Variants in LRRC49 observed in about 807,000 individuals in gnomAD.
The protein encoded by LRRC49 is leucine-rich repeat-containing protein 49.
LRRC49 carries 50 observed loss-of-function variants against 83.3 expected under a neutral mutation model. The ratio of observed to expected loss-of-function variants is 0.60; its 90% confidence interval spans 0.48 to 0.76. The LOEUF (loss-of-function observed/expected upper bound fraction) is 0.76. Among genes scored for constraint, LRRC49 ranks in the 30% least tolerant of loss-of-function variants. The pLI is 0.00. For missense variants in LRRC49, 704 were observed against 809.1 expected, an observed-to-expected ratio of 0.87 and a Z score of 1.58; for synonymous variants, 286 against 283.3, an observed-to-expected ratio of 1.01 and a Z score of -0.10.
Position 71,037,260 on chromosome 15 carries a change from A to T in LRRC49, c.1785A>T (p.Arg595Ser). The T allele has an allele frequency of 3.1e-6, 5 of 1,609,538 alleles. No individual in the cohort carries two copies. The highest frequency in any genetic ancestry group is 1.1e-5 in the South Asian group (1 of 90,802). Residue 595 changes from arginine to serine, a missense_variant, in exon 15 of 16, where the codon AGA (arginine) becomes AGT (serine). By Grantham distance (110) the Arg-to-Ser change is moderately radical. This residue lies in a region of LRRC49 where 275 missense variants were observed against 338.0 expected (regional missense o/e 0.81). Coordinates refer to ENST00000260382, the MANE Select transcript of LRRC49 (RefSeq NM_017691.5). The part of the protein sequence containing the change: ...IINEENNDSK[R>S]LVGENTNRAT... ...ACGAAGAAAATAATGACAGCAAAAG[A>T]CTTGTAGGAGAAAACACAAATCGTG...
At chr15:70,946,890 T>C (rs1290689924) in intron 8 of LRRC49, among the ~76,000 whole-genome samples, 1 of 152,198 alleles carries the variant, frequency 6.6e-6, no homozygotes, top group Non-Finnish European at 1.5e-5. Context: ...GGGAAATGTC[T>C]ATTGTAGTCC....
At position 70,916,580 on chromosome 15, in the gene LRRC49, C is replaced by T. The variant is rs552574097; in HGVS notation, c.568-2470C>T. Among the ~76,000 whole-genome samples the T allele has an allele frequency of 5.3e-5, 8 of 152,326 alleles. No individual in the cohort carries two copies. In the South Asian group the frequency reaches 1.7e-3, roughly 32 times the overall value. On this transcript the variant is annotated intron_variant, in intron 6 of 15. Transcript: ENST00000260382. ...AAAGTACTGGGATTACAGGTGTGAGCTACCGCGCCTGGCCTCAGTGCTGAT... is the reference window on the plus strand; with the variant it reads ...AAAGTACTGGGATTACAGGTGTGAGTTACCGCGCCTGGCCTCAGTGCTGAT...
intron 8 of LRRC49, among the ~76,000 whole-genome samples, chr15:70,945,276 G>C (rs1288400402): frequency 6.6e-6 from 1 of 152,164 alleles, no homozygotes; most frequent in Non-Finnish European, 1.5e-5. Flanking sequence ...TTATATGTCT[G>C]TCTTCTCCCA....
Position 70,984,244 on chromosome 15 carries a change from C to G in LRRC49, c.1156C>G (p.Pro386Ala), listed in dbSNP as rs748634704. The change falls in exon 11 of 16, where the codon CCA (proline) becomes GCA (alanine). Residue 386 changes from proline to alanine, a missense_variant. By Grantham distance (27) the Pro-to-Ala change is conservative. Coordinates refer to ENST00000260382, the MANE Select transcript of LRRC49 (RefSeq NM_017691.5). ...TGATGGAAGCACCCTCTCTGCATTC[C>G]CAGAGGAAACAGGGTATGCAATGGT... ...QIDGSTLSAF[P>A]EETGPLDSGL... 6.2e-7 allele frequency: 1 copy of G among 1,610,922 alleles called. No individual in the cohort carries two copies. The highest frequency in any genetic ancestry group is 1.1e-5 in the South Asian group (1 of 90,398).
At chr15:70,998,449 A>G (rs1371568867) in intron 11 of LRRC49, among the ~76,000 whole-genome samples, 1 of 151,912 alleles carries the variant, frequency 6.6e-6, no homozygotes, top group Non-Finnish European at 1.5e-5. Context: ...TTTGCCATAT[A>G]TAATTTTGGG....
chr15:70,943,078 AT>A (rs902867793), intron 8 of LRRC49, among the ~76,000 whole-genome samples: 9 of 151,846 alleles, frequency 5.9e-5, no homozygotes, highest in Non-Finnish European at 1.3e-4. Context: ...TATTCTGGGC[AT>A]TGTGGATGTT....
intron 9 of LRRC49, among the ~76,000 whole-genome samples, chr15:70,966,795 T>C (rs2036810589): frequency 6.6e-6 from 1 of 152,114 alleles, no homozygotes; most frequent in Non-Finnish European, 1.5e-5. Flanking sequence ...GTTTCTGTAC[T>C]AGGATATATA....
At chr15:70,923,177 A>G (rs953312464) in intron 7 of LRRC49, among the ~76,000 whole-genome samples, 1 of 151,966 alleles carries the variant, frequency 6.6e-6, no homozygotes, top group Non-Finnish European at 1.5e-5. Context: ...ACACCTTAAC[A>G]TTTTGAAATG....
At chr15:71,038,167 C>T (rs1225069053) in intron 15 of LRRC49, among the ~76,000 whole-genome samples, 1 of 152,070 alleles carries the variant, frequency 6.6e-6, no homozygotes, top group Non-Finnish European at 1.5e-5. Context: ...ATCTATAGAT[C>T]CCCTCACACA....
intron 1 of LRRC49, among the ~76,000 whole-genome samples, chr15:70,867,156 A>G (rs571893671): frequency 8.0e-4 from 121 of 151,820 alleles, no homozygotes; most frequent in African/African-American, 2.8e-3. Context: ...AAGAAGGTCT[A>G]CTTGAGAACT....
intron 8 of LRRC49, among the ~76,000 whole-genome samples, chr15:70,959,044 GTATT>G (rs2036501425): frequency 6.6e-6 from 1 of 152,070 alleles, no homozygotes; most frequent in Non-Finnish European, 1.5e-5. Flanking sequence ...AATAAATAAA[GTATT>G]TATAGTACTA....
intron 3 of LRRC49, among the ~76,000 whole-genome samples, chr15:70,899,975 T>C (rs924971267): frequency 1.3e-5 from 2 of 152,180 alleles, no homozygotes; most frequent in Non-Finnish European, 2.9e-5. Flanking sequence ...CTTACCTCAT[T>C]TCTGGAACTT....
At chr15:70,858,858 C>A in intron 1 of LRRC49, 1 of 768,156 alleles carries the variant, frequency 1.3e-6, no homozygotes. Flanking sequence ...TCTGGGGTGG[C>A]CTGGGTGGAG....
At chr15:70,972,756 T>G (rs973723123) in intron 9 of LRRC49, among the ~76,000 whole-genome samples, 1 of 152,062 alleles carries the variant, frequency 6.6e-6, no homozygotes, top group Non-Finnish European at 1.5e-5. Context: ...TCTGATATCC[T>G]TTCCTCTGCT....
intron 5 of LRRC49, among the ~76,000 whole-genome samples, chr15:70,909,162 A>G (rs1185584359): frequency 6.6e-6 from 1 of 152,220 alleles, no homozygotes; most frequent in Admixed American, 6.5e-5. Flanking sequence ...GGGTGATACA[A>G]TCTCCATTAT....
rs556565611 is a variant in LRRC49 at position 71,049,935 on chromosome 15, T to C, written c.*323T>C. 100 of 203,322 alleles carry C rather than the reference T, an allele frequency of 4.9e-4. No individual in the cohort carries two copies. Among genetic ancestry groups the C allele is most frequent in the Non-Finnish European group, 7.1e-4 (73 of 102,642 alleles). The allele number at this position is 203,322 out of a possible 1,614,324, so 12.6% of individuals were successfully genotyped here. On this transcript the variant is annotated 3_prime_UTR_variant, in exon 16 of 16. Coordinates refer to ENST00000260382, the MANE Select transcript of LRRC49 (RefSeq NM_017691.5). Reference sequence around the variant, plus strand: ...GCCCAAAGCACGTAGTATTTGCTGATGATTCAGCATGAGCTGCATCTACCT... The same window carrying C: ...GCCCAAAGCACGTAGTATTTGCTGACGATTCAGCATGAGCTGCATCTACCT...
At chr15:70,873,610 T>C (rs1446723933) in intron 2 of LRRC49, among the ~76,000 whole-genome samples, 1 of 152,160 alleles carries the variant, frequency 6.6e-6, no homozygotes, top group Non-Finnish European at 1.5e-5. Context: ...TGATCTAGAA[T>C]GACTTCCTTC....
rs2039993748 is a variant in LRRC49 at position 71,051,466 on chromosome 15, T to G, written c.*1854T>G. On this transcript the variant is annotated 3_prime_UTR_variant, in exon 16 of 16. Coordinates refer to ENST00000260382, the MANE Select transcript of LRRC49 (RefSeq NM_017691.5). Reference sequence around the variant, plus strand: ...AGTAAACACTTATCTCTCCTGGGCTTATATCTTGTTTGGTATAGAAATGAG... The same window carrying G: ...AGTAAACACTTATCTCTCCTGGGCTGATATCTTGTTTGGTATAGAAATGAG... 1 of 152,228 alleles carries G rather than the reference T, an allele frequency of 6.6e-6. No individual in the cohort carries two copies. Among genetic ancestry groups the G allele is most frequent in the Admixed American group, 6.5e-5 (1 of 15,276 alleles). The allele number at this position is 152,228 out of a possible 1,614,324, so 9.4% of individuals were successfully genotyped here. A position where few individuals can be genotyped will look rare whatever the true frequency, so the allele number is the denominator to read the frequency against.
At chr15:70,891,999 C>T (rs371439870), upstream of LRRC49, 1 of 1,613,072 alleles carries the variant, frequency 6.2e-7, no homozygotes, top group South Asian at 1.1e-5. Context: ...GGGGCGGGCA[C>T]CCGGTGCAGG....
Sources: allele counts gnomAD v4.1 joint callset (sites outside exome capture counted in the v4.1 genomes callset), GRCh38; gene constraint gnomAD v4.1.1; regional missense constraint gnomAD v4.1.1; transcripts MANE v1.5; gene names NCBI Gene and HGNC (gene_info 2026-07-23, HGNC 2026-07-21).